MID1: variants seen among roughly 807,000 people sequenced by gnomAD.
The protein encoded by MID1 is midline 1, also known as E3 ubiquitin-protein ligase Midline-1.
MID1 carries 7 observed loss-of-function variants against 40.4 expected under a neutral mutation model. That is an observed-to-expected ratio of 0.17 (90% CI 0.10 to 0.33). The LOEUF is 0.33. Ranked by LOEUF, MID1 falls within the 10% of genes least tolerant of loss-of-function variation. The probability of loss-of-function intolerance (pLI) is 1.00; values close to 1 mark genes in which losing one functional copy is unlikely to be tolerated. For missense variants in MID1, 367 were observed against 558.5 expected (o/e 0.66, Z 3.46); for synonymous variants, 229 against 221.2 (o/e 1.04, Z -0.31).
chrX:10,525,581 T>C (rs1932814967), intron 2 of MID1, among the ~76,000 whole-genome samples: 2 of 112,592 alleles, frequency 1.8e-5, no homozygotes, highest in Admixed American at 1.9e-4. Context: ...CTTTGTTCCC[T>C]GTGCTGTGAT....
chrX:10,552,111 G>A (rs1334249224), intron 2 of MID1, among the ~76,000 whole-genome samples: 1 of 109,186 alleles, frequency 9.2e-6, no homozygotes, highest in Non-Finnish European at 1.9e-5. Context: ...TATCCTTTGT[G>A]AATCCGGCCC....
intron 1 of MID1, among the ~76,000 whole-genome samples, chrX:10,823,464 C>G (rs912827243): frequency 9.0e-6 from 1 of 110,875 alleles, no homozygotes; most frequent in Non-Finnish European, 1.9e-5. Context: ...TGCACATGTA[C>G]CCCTGAACTT....
At chrX:10,662,349 GCAAA>G (rs770332844) in intron 1 of MID1, among the ~76,000 whole-genome samples, 1 of 110,099 alleles carries the variant, frequency 9.1e-6, no homozygotes, top group South Asian at 3.9e-4. Context: ...CACAAAACAA[GCAAA>G]CAAACAAAAA....
intron 2 of MID1, among the ~76,000 whole-genome samples, chrX:10,531,892 C>A (rs1932986082): frequency 8.9e-6 from 1 of 111,923 alleles, no homozygotes; most frequent in African/African-American, 3.2e-5. Context: ...CCAATAAATA[C>A]ATTTGTTGGT....
intron 1 of MID1, among the ~76,000 whole-genome samples, chrX:10,744,499 C>T: frequency 9.0e-6 from 1 of 111,162 alleles, no homozygotes. Flanking sequence ...ACCAAGTGAG[C>T]TAACTAGCCC....
At chrX:10,695,168 A>G (rs1300447425) in intron 1 of MID1, among the ~76,000 whole-genome samples, 1 of 111,806 alleles carries the variant, frequency 8.9e-6, no homozygotes, top group Non-Finnish European at 1.9e-5. Context: ...TCTCTTGCCC[A>G]GGCGGCAGTG....
At chrX:10,640,829 T>G (rs1936184422) in intron 1 of MID1, among the ~76,000 whole-genome samples, 1 of 111,579 alleles carries the variant, frequency 9.0e-6, no homozygotes, top group Non-Finnish European at 1.9e-5. Flanking sequence ...CAGACCACAG[T>G]GCAATCAAAC....
At chrX:10,681,804 T>G (rs908858085) in intron 1 of MID1, among the ~76,000 whole-genome samples, 1 of 111,903 alleles carries the variant, frequency 8.9e-6, no homozygotes, top group Non-Finnish European at 1.9e-5. Flanking sequence ...TAAAATGATA[T>G]AGCACATCCA....
chrX:10,797,840 A>G (rs2147143259), intron 1 of MID1, among the ~76,000 whole-genome samples: 1 of 111,457 alleles, frequency 9.0e-6, no homozygotes, highest in Non-Finnish European at 1.9e-5. Flanking sequence ...ATGCATTGTT[A>G]CTCCTTAAAA....
intron 4 of MID1, among the ~76,000 whole-genome samples, chrX:10,488,010 C>A (rs1281972198): frequency 2.3e-5 from 2 of 87,798 alleles, no homozygotes; most frequent in Admixed American, 2.8e-4. Flanking sequence ...TGGATAGGGT[C>A]TCACTCTATC....
chrX:10,803,356 T>C (rs1359424106), intron 1 of MID1, among the ~76,000 whole-genome samples: 3 of 102,550 alleles, frequency 2.9e-5, no homozygotes, highest in East Asian at 3.0e-4. Context: ...TATTTTCTTT[T>C]TTTTTTTTTT....
chrX:10,736,051 T>A (rs2043485525), intron 1 of MID1, among the ~76,000 whole-genome samples: 1 of 112,410 alleles, frequency 8.9e-6, no homozygotes, highest in African/African-American at 3.2e-5. Context: ...AAAGAGTTAG[T>A]TATGATATCT....
intron 1 of MID1, among the ~76,000 whole-genome samples, chrX:10,794,358 T>G (rs954049174): frequency 5.3e-5 from 6 of 112,219 alleles, no homozygotes; most frequent in Admixed American, 4.7e-4. Flanking sequence ...TCATGTGGTT[T>G]ACAGGGCAAG....
chrX:10,687,424 T>G (rs998342818), intron 1 of MID1, among the ~76,000 whole-genome samples: 1 of 112,065 alleles, frequency 8.9e-6, no homozygotes, highest in Admixed American at 9.4e-5. Context: ...AATGCCTGGC[T>G]TCTTGCACGA....
At chrX:10,737,621 G>A (rs1157185714) in intron 1 of MID1, among the ~76,000 whole-genome samples, 1 of 107,637 alleles carries the variant, frequency 9.3e-6, no homozygotes, top group African/African-American at 3.4e-5. Flanking sequence ...AAAGTGAAAG[G>A]GGGTGGGGGG....
intron 5 of MID1, among the ~76,000 whole-genome samples, chrX:10,480,767 A>G (rs972140729): frequency 3.2e-4 from 36 of 111,834 alleles, no homozygotes; most frequent in African/African-American, 1.1e-3. Context: ...AGAAGAGATA[A>G]GTATCTAATC....
At chrX:10,608,925 G>A (rs1408532226) in intron 1 of MID1, among the ~76,000 whole-genome samples, 1 of 111,922 alleles carries the variant, frequency 8.9e-6, no homozygotes, top group Admixed American at 9.5e-5. Context: ...AGTATAAGGT[G>A]TGTAACATTG....
intron 1 of MID1, among the ~76,000 whole-genome samples, chrX:10,730,016 G>A (rs1431450103): frequency 2.8e-5 from 3 of 108,270 alleles, no homozygotes; most frequent in South Asian, 8.3e-4. Context: ...CCTGGTAGGC[G>A]GAGGTTGCAG....
intron 6 of MID1, among the ~76,000 whole-genome samples, chrX:10,472,324 T>G (rs1303650212): frequency 8.9e-6 from 1 of 112,687 alleles, no homozygotes; most frequent in African/African-American, 3.2e-5. Context: ...GTACCCCATA[T>G]GGCCTTTAGT....
Sources: gnomAD v4.1 joint callset for allele counts (sites outside exome capture counted in the v4.1 genomes callset) on GRCh38, gnomAD v4.1.1 for gene constraint, MANE v1.5 for transcripts, NCBI Gene and HGNC (gene_info 2026-07-23, HGNC 2026-07-21) for gene names.